The following NALCN variants were observed in gnomAD, a reference collection of about 807,000 sequenced individuals.
The protein encoded by NALCN is sodium leak channel, non-selective, also known as sodium leak channel NALCN.
In NALCN, 111 loss-of-function variants were observed where a neutral mutation model predicts 225.3. That is an observed-to-expected ratio of 0.49 (90% CI 0.42 to 0.58). NALCN has a LOEUF of 0.58. Ranked by LOEUF, NALCN falls within the 20% of genes least tolerant of loss-of-function variation. The probability of loss-of-function intolerance (pLI) is 0.00; values close to 1 mark genes in which losing one functional copy is unlikely to be tolerated. For synonymous variants in NALCN, 764 were observed against 769.0 expected, an observed-to-expected ratio of 0.99 and a Z score of 0.11; for missense variants, 1,378 against 2,202.4, an observed-to-expected ratio of 0.63 and a Z score of 7.49.
chr13:101,144,035 CA>C (rs1363024076), intron 16 of NALCN, among the ~76,000 whole-genome samples: 10 of 152,082 alleles, frequency 6.6e-5, no homozygotes, highest in African/African-American at 2.2e-4. Flanking sequence ...AATATTATGG[CA>C]CCATATATAG....
chr13:101,319,235 G>C (rs2044661055), intron 7 of NALCN, among the ~76,000 whole-genome samples: 1 of 152,146 alleles, frequency 6.6e-6, no homozygotes, highest in Admixed American at 6.5e-5. Flanking sequence ...GGCTTGTCTA[G>C]TCCTAACCTG....
chr13:101,227,906 TC>T (rs943412090), intron 13 of NALCN, among the ~76,000 whole-genome samples: 2 of 152,224 alleles, frequency 1.3e-5, no homozygotes, highest in Non-Finnish European at 2.9e-5. Flanking sequence ...GTGATGGGAA[TC>T]CGTTCCCTTG....
chr13:101,382,369 G>C (rs1231934183), intron 3 of NALCN, among the ~76,000 whole-genome samples: 1 of 151,962 alleles, frequency 6.6e-6, no homozygotes, highest in Non-Finnish European at 1.5e-5. Context: ...AATGTATTCT[G>C]ATATGTTTTT....
chr13:101,069,219 A>C (rs1354190801), intron 37 of NALCN, among the ~76,000 whole-genome samples: 1 of 152,246 alleles, frequency 6.6e-6, no homozygotes, highest in African/African-American at 2.4e-5. Context: ...AGATTTGGGA[A>C]TATAGACTCT....
chr13:101,115,855 G>T (rs2035683224), intron 18 of NALCN, among the ~76,000 whole-genome samples: 1 of 152,052 alleles, frequency 6.6e-6, no homozygotes, highest in African/African-American at 2.4e-5. Context: ...GCAAGTACTA[G>T]AAGGCCAGTT....
chr13:101,167,520 G>GT (rs1489377236), intron 15 of NALCN, among the ~76,000 whole-genome samples: 1 of 152,112 alleles, frequency 6.6e-6, no homozygotes, highest in Non-Finnish European at 1.5e-5. Flanking sequence ...GCGTGTATCT[G>GT]TTTTGCACCA....
Position 101,104,543 on chromosome 13 carries a change from G to T in NALCN, c.2744C>A (p.Ala915Glu), listed in dbSNP as rs773223580. The change falls in exon 24 of 44, where the codon GCA becomes GAA. Residue 915 changes from alanine to glutamate, a missense_variant. Ala to Glu is a moderately radical substitution (Grantham distance 107). This residue lies in a region of NALCN where 292 missense variants were observed against 409.5 expected (regional missense o/e 0.71). Transcript: ENST00000251127. The surrounding 1 kb of genome is among the most constrained non-coding windows in gnomAD (Gnocchi z 4.2). ...GGTAAGCGGTACCTGCAAAGTAGGT[G>T]CATGCATGACTCTTCGAAACGGGGA... ...FESPFRRVMH[A>E]PTLQIAEYVF... 2.5e-6 allele frequency: 4 copies of T among 1,614,004 alleles called. No individual in the cohort carries two copies. In the Admixed American group the frequency reaches 6.7e-5, roughly 27 times the overall value.
At chr13:101,400,013 C>G (rs1274137228) in intron 1 of NALCN, among the ~76,000 whole-genome samples, 1 of 152,070 alleles carries the variant, frequency 6.6e-6, no homozygotes, top group Non-Finnish European at 1.5e-5. Context: ...ATCCCTGAGT[C>G]GACTGTGAGA....
chr13:101,275,146 T>C (rs693442), intron 10 of NALCN, among the ~76,000 whole-genome samples: 121,301 of 152,094 alleles, frequency 0.8, 48,774 homozygotes, highest in Non-Finnish European at 0.84. Context: ...ACTTCATTTT[T>C]TCCCAGTGCA....
intron 13 of NALCN, among the ~76,000 whole-genome samples, chr13:101,206,972 T>A: frequency 6.6e-6 from 1 of 152,134 alleles, no homozygotes; most frequent in East Asian, 1.9e-4. Context: ...AACCACTATA[T>A]TTCAAAATTT....
intron 18 of NALCN, among the ~76,000 whole-genome samples, chr13:101,112,754 C>A (rs2035511297): frequency 6.6e-6 from 1 of 152,156 alleles, no homozygotes; most frequent in Non-Finnish European, 1.5e-5. Flanking sequence ...AAATGCATTT[C>A]TTGAATGGCT....
chr13:101,085,414 T>G (rs957686589), intron 30 of NALCN, among the ~76,000 whole-genome samples: 6 of 152,148 alleles, frequency 3.9e-5, no homozygotes, highest in Admixed American at 6.5e-5. Context: ...AGAATAGGGA[T>G]AGTCAAATGT....
intron 11 of NALCN, among the ~76,000 whole-genome samples, chr13:101,257,730 A>G (rs2042287563): frequency 6.6e-6 from 1 of 152,150 alleles, no homozygotes; most frequent in African/African-American, 2.4e-5. Context: ...GTAACCATTG[A>G]ATTCTGAGAT....
intron 15 of NALCN, among the ~76,000 whole-genome samples, chr13:101,174,271 C>A (rs577333105): frequency 9.9e-5 from 15 of 152,176 alleles, no homozygotes; most frequent in Admixed American, 8.5e-4. Flanking sequence ...GTTTTCAATG[C>A]CCAAATACCC....
At chr13:101,173,709 G>T (rs575477112) in intron 15 of NALCN, among the ~76,000 whole-genome samples, 6 of 152,208 alleles carry the variant, frequency 3.9e-5, no homozygotes, top group Admixed American at 3.9e-4. Context: ...GAAACATTAA[G>T]AAAATCAAAT....
At chr13:101,414,255 C>T (rs2047870823) in intron 1 of NALCN, among the ~76,000 whole-genome samples, 1 of 152,176 alleles carries the variant, frequency 6.6e-6, no homozygotes, top group African/African-American at 2.4e-5. Flanking sequence ...AATAAGACAT[C>T]TCACTGTATA....
At chr13:101,303,059 T>C (rs2139105799) in intron 7 of NALCN, among the ~76,000 whole-genome samples, 1 of 152,282 alleles carries the variant, frequency 6.6e-6, no homozygotes, top group South Asian at 2.1e-4. Context: ...GAGAAGAATA[T>C]GAGAAAATTG....
chr13:101,400,529 C>T (rs1475995441), intron 1 of NALCN, among the ~76,000 whole-genome samples: 1 of 148,988 alleles, frequency 6.7e-6, no homozygotes, highest in Non-Finnish European at 1.5e-5. Context: ...CACTGGAGTA[C>T]AAGAACATGT....
chr13:101,058,694 G>C (rs2031566937), intron 42 of NALCN: 1 of 139,926 alleles, frequency 7.1e-6, no homozygotes, highest in South Asian at 2.2e-4. Flanking sequence ...TTCTTTCTTA[G>C]GCTTTTTCAT....
Sources: allele counts gnomAD v4.1 joint callset (sites outside exome capture counted in the v4.1 genomes callset), GRCh38; gene constraint gnomAD v4.1.1; regional missense constraint gnomAD v4.1.1; non-coding constraint Gnocchi (gnomAD v3.1); transcripts MANE v1.5; gene names NCBI Gene and HGNC (gene_info 2026-07-23, HGNC 2026-07-21).